Variants in PTK2 observed in about 807,000 individuals in gnomAD.
PTK2 encodes focal adhesion kinase 1.
PTK2 carries 45 observed loss-of-function variants against 150.1 expected under a neutral mutation model. The ratio of observed to expected loss-of-function variants is 0.30; its 90% CI spans 0.24 to 0.38. The LOEUF (loss-of-function observed/expected upper bound fraction) is 0.38. Among genes scored for constraint, PTK2 ranks in the 10% least tolerant of loss-of-function variants. The pLI is 1.00. For synonymous variants in PTK2, 432 were observed against 449.2 expected, an observed-to-expected ratio of 0.96 and a Z score of 0.48; for missense variants, 919 against 1,307.3, an observed-to-expected ratio of 0.70 and a Z score of 4.58.
intron 22 of PTK2, among the ~76,000 whole-genome samples, chr8:140,724,706 A>T (rs2100044789): frequency 6.6e-6 from 1 of 152,238 alleles, no homozygotes; most frequent in South Asian, 2.1e-4. Flanking sequence ...TGGGAATACC[A>T]GTTTTGAAAC....
intron 1 of PTK2, among the ~76,000 whole-genome samples, chr8:140,972,262 T>C (rs975421179): frequency 3.3e-5 from 5 of 152,194 alleles, no homozygotes; most frequent in African/African-American, 1.2e-4. Flanking sequence ...TTTTAATTAA[T>C]AAATAATTGT....
At chr8:140,968,921 G>A (rs566032613) in intron 1 of PTK2, among the ~76,000 whole-genome samples, 32 of 152,298 alleles carry the variant, frequency 2.1e-4, no homozygotes, top group Non-Finnish European at 3.7e-4. Context: ...GATCAGGGAC[G>A]CAAAATCATT....
intron 23 of PTK2, among the ~76,000 whole-genome samples, chr8:140,710,019 T>C (rs757910091): frequency 4.6e-5 from 7 of 152,016 alleles, no homozygotes; most frequent in Admixed American, 1.3e-4. Flanking sequence ...AAGATAAGTA[T>C]AATAACTATG....
chr8:140,761,557 T>A (rs186746355), intron 15 of PTK2, among the ~76,000 whole-genome samples: 5 of 152,268 alleles, frequency 3.3e-5, no homozygotes, highest in Admixed American at 2.0e-4. Flanking sequence ...ATTTGATAGT[T>A]TTCTAAATAA....
intron 17 of PTK2, among the ~76,000 whole-genome samples, chr8:140,747,623 AGGAGGAAGG>A (rs1465784604): frequency 1.1e-5 from 1 of 87,680 alleles, no homozygotes; most frequent in Non-Finnish European, 2.3e-5. Flanking sequence ...GAAGAGGAAG[AGGAGGAAGG>A]GGAGAGGAAG....
intron 1 of PTK2, among the ~76,000 whole-genome samples, chr8:140,935,140 C>T (rs2100173183): frequency 6.6e-6 from 1 of 152,084 alleles, no homozygotes; most frequent in African/African-American, 2.4e-5. Flanking sequence ...TTTTCAACAA[C>T]ATATAAATGT....
chr8:140,979,464 T>C (rs1457374765), intron 1 of PTK2, among the ~76,000 whole-genome samples: 1 of 140,284 alleles, frequency 7.1e-6, no homozygotes, highest in Non-Finnish European at 1.5e-5. Flanking sequence ...AGATAGCAAA[T>C]ATATTAAAAG....
chr8:140,869,188 C>G (rs1332537782), intron 4 of PTK2, among the ~76,000 whole-genome samples: 1 of 131,962 alleles, frequency 7.6e-6, no homozygotes, highest in East Asian at 2.5e-4. Context: ...AGTTGTACAG[C>G]CACAGACCCA....
chr8:140,951,431 A>ACATAT (rs2154609106), intron 1 of PTK2, among the ~76,000 whole-genome samples: 1 of 152,352 alleles, frequency 6.6e-6, no homozygotes, highest in East Asian at 1.9e-4. Flanking sequence ...ATGGATTGGA[A>ACATAT]GCCAGACTTA....
chr8:140,935,291 A>C (rs1039920136), intron 1 of PTK2, among the ~76,000 whole-genome samples: 1 of 152,214 alleles, frequency 6.6e-6, no homozygotes, highest in African/African-American at 2.4e-5. Flanking sequence ...AAAATGATTC[A>C]TATCAACAAC....
At chr8:140,673,155 T>A (rs1434983276) in intron 29 of PTK2, among the ~76,000 whole-genome samples, 1 of 152,034 alleles carries the variant, frequency 6.6e-6, no homozygotes, top group Non-Finnish European at 1.5e-5. Flanking sequence ...TCGCCCAGGC[T>A]GGAGTGCAAT....
chr8:140,943,173 CTG>C (rs2100176444), intron 1 of PTK2, among the ~76,000 whole-genome samples: 1 of 152,186 alleles, frequency 6.6e-6, no homozygotes, highest in African/African-American at 2.4e-5. Flanking sequence ...ACAAGTGGGT[CTG>C]TGTAACCACC....
chr8:140,993,444 G>A (rs1193957678), intron 1 of PTK2, among the ~76,000 whole-genome samples: 1 of 152,190 alleles, frequency 6.6e-6, no homozygotes, highest in Non-Finnish European at 1.5e-5. Flanking sequence ...AAATATTACT[G>A]TGTAAGACAC....
At chr8:140,992,936 C>T (rs570009781) in intron 1 of PTK2, among the ~76,000 whole-genome samples, 6 of 152,186 alleles carry the variant, frequency 3.9e-5, no homozygotes, top group Non-Finnish European at 7.3e-5. Context: ...TAATGTTAAA[C>T]CTTTGTAAAG....
At chr8:140,716,393 G>A (rs555921232) in intron 23 of PTK2, among the ~76,000 whole-genome samples, 1 of 152,262 alleles carries the variant, frequency 6.6e-6, no homozygotes, top group South Asian at 2.1e-4. Context: ...AGGATTTCCT[G>A]TTGTTGTTAA....
chr8:140,840,135 T>C (rs2100121431), intron 7 of PTK2, among the ~76,000 whole-genome samples: 1 of 152,214 alleles, frequency 6.6e-6, no homozygotes, highest in Non-Finnish European at 1.5e-5. Flanking sequence ...CATAGCTCAC[T>C]GCAGCCACAA....
intron 29 of PTK2, among the ~76,000 whole-genome samples, chr8:140,672,911 G>A (rs988049275): frequency 8.5e-5 from 13 of 152,164 alleles, no homozygotes; most frequent in African/African-American, 3.1e-4. Flanking sequence ...GTGAGCCTTG[G>A]TCAACTGAGA....
chr8:140,681,136 G>A (rs1456693212), intron 27 of PTK2, among the ~76,000 whole-genome samples: 5 of 151,916 alleles, frequency 3.3e-5, no homozygotes, highest in African/African-American at 4.8e-5. Flanking sequence ...AGGCCAAGGC[G>A]AGTGGATCAC....
At chr8:140,818,253 C>T (rs779803587) in intron 10 of PTK2, 24 bp downstream of exon 10, 2 of 1,587,668 alleles carry the variant, frequency 1.3e-6, no homozygotes, top group Non-Finnish European at 1.7e-6. Context: ...ACGCCAAGTT[C>T]CCGAAAGGTC....
Sources: allele counts gnomAD v4.1 joint callset (sites outside exome capture counted in the v4.1 genomes callset), GRCh38; gene constraint gnomAD v4.1.1; transcripts MANE v1.5; gene names NCBI Gene and HGNC (gene_info 2026-07-23, HGNC 2026-07-21).